Variants in ACER3 observed in about 807,000 individuals in gnomAD.
ACER3 encodes alkCDase 3.
ACER3 carries 16 observed loss-of-function variants against 48.9 expected under a neutral mutation model. That is an observed-to-expected ratio of 0.33 (90% CI 0.22 to 0.50). The LOEUF is 0.50. ACER3 is among the 20% of genes least tolerant of loss of function. The pLI is 0.98. For missense variants in ACER3, 227 were observed against 326.0 expected (o/e 0.70, Z 2.34); for synonymous variants, 109 against 107.8 (o/e 1.01, Z -0.07).
chr11:76,905,006 C>G (rs546072995), intron 1 of ACER3, among the ~76,000 whole-genome samples: 1 of 152,218 alleles, frequency 6.6e-6, no homozygotes, highest in Admixed American at 6.5e-5. Flanking sequence ...TACATGCCAC[C>G]ATGCCCAGCT....
intron 3 of ACER3, among the ~76,000 whole-genome samples, chr11:76,959,849 C>T (rs530961056): frequency 3.9e-5 from 6 of 152,138 alleles, no homozygotes; most frequent in East Asian, 1.9e-4. Flanking sequence ...CCACCGCACC[C>T]GGCCGTTAGT....
In ACER3 at chr11:77,022,042, C is replaced by T. The variant is rs1170809110; in HGVS notation, c.*1715C>T. ...ACTTGATTTTGCCCCAAGATTCTGA[C>T]TTCTGGCTACATTTCACCTGCAGTT... On this transcript the variant is annotated 3_prime_UTR_variant, in exon 11 of 11. Coordinates refer to ENST00000532485, the MANE Select transcript of ACER3 (RefSeq NM_018367.7). 2 of 152,228 alleles carry T rather than the reference C, an allele frequency of 1.3e-5. No individual in the cohort carries two copies. The highest frequency in any genetic ancestry group is 2.4e-5 in the African/African-American group (1 of 41,442). 9.4% of individuals were successfully genotyped at this position (152,228 alleles called of 1,614,324 possible).
At chr11:76,896,893 T>C (rs1291179303) in intron 1 of ACER3, among the ~76,000 whole-genome samples, 1 of 152,174 alleles carries the variant, frequency 6.6e-6, no homozygotes, top group Non-Finnish European at 1.5e-5. Context: ...AATTAGGCTT[T>C]ACACAGATAT....
chr11:77,004,129 T>G (rs1429597654), intron 7 of ACER3, among the ~76,000 whole-genome samples: 1 of 152,216 alleles, frequency 6.6e-6, no homozygotes, highest in Non-Finnish European at 1.5e-5. Context: ...GGTCTGATGA[T>G]TCACTAGGAC....
At chr11:76,877,539 T>C (rs938902735) in intron 1 of ACER3, among the ~76,000 whole-genome samples, 5 of 152,284 alleles carry the variant, frequency 3.3e-5, no homozygotes, top group African/African-American at 1.2e-4. Context: ...TTTCTTTTTT[T>C]AAGCAGATAT....
rs1590917358 is a variant in ACER3 at position 76,910,093 on chromosome 11, G to A, written c.104-16464G>A. 2.0e-5 allele frequency among the ~76,000 whole-genome samples: 3 copies of A among 150,636 alleles called. No individual in the cohort carries two copies. In the South Asian group the frequency reaches 6.4e-4, roughly 32 times the overall value. On this transcript the variant is annotated intron_variant, in intron 1 of 10. Transcript: ENST00000532485. ...AATGAGAACATATGGGCACAGGGAG[G>A]GGAACATCACCACACACTGGGGCCT...
intron 7 of ACER3, among the ~76,000 whole-genome samples, chr11:77,005,991 A>ATATATACATATATATATT (rs1388727709): frequency 4.0e-5 from 4 of 100,894 alleles, no homozygotes; most frequent in African/African-American, 4.0e-5. Context: ...ATATATATAT[A>ATATATACATATATATATT]TTTTTTTTTT....
At chr11:76,915,115 C>T (rs1946489579) in intron 1 of ACER3, among the ~76,000 whole-genome samples, 1 of 151,662 alleles carries the variant, frequency 6.6e-6, no homozygotes, top group Non-Finnish European at 1.5e-5. Context: ...TGCAGCACAC[C>T]AACATGGCAC....
intron 1 of ACER3, among the ~76,000 whole-genome samples, chr11:76,889,095 A>G (rs1037858224): frequency 3.3e-5 from 5 of 152,260 alleles, no homozygotes; most frequent in East Asian, 1.9e-4. Context: ...TCTCAGCTCT[A>G]TATAGATGAT....
intron 2 of ACER3, among the ~76,000 whole-genome samples, chr11:76,928,867 T>C (rs1047965705): frequency 6.6e-6 from 1 of 152,218 alleles, no homozygotes; most frequent in African/African-American, 2.4e-5. Context: ...TCTGTAGCCT[T>C]GTAGTATAGT....
At chr11:77,018,993 T>C (rs561180005) in intron 9 of ACER3, among the ~76,000 whole-genome samples, 3 of 152,308 alleles carry the variant, frequency 2.0e-5, no homozygotes, top group South Asian at 2.1e-4. Flanking sequence ...CAGCCTTCTA[T>C]TGGAAGAAGA....
intron 1 of ACER3, among the ~76,000 whole-genome samples, chr11:76,923,486 C>G (rs1565179090): frequency 6.6e-6 from 1 of 152,124 alleles, no homozygotes; most frequent in African/African-American, 2.4e-5. Flanking sequence ...GATTATTTTC[C>G]TCATGGATCA....
chr11:76,971,490 A>G (rs1299858384), intron 3 of ACER3, among the ~76,000 whole-genome samples: 1 of 152,074 alleles, frequency 6.6e-6, no homozygotes, highest in Non-Finnish European at 1.5e-5. Flanking sequence ...CAGTGAGCCA[A>G]GATCGCGCCA....
At chr11:76,897,585 CA>C (rs1945966312) in intron 1 of ACER3, among the ~76,000 whole-genome samples, 1 of 152,044 alleles carries the variant, frequency 6.6e-6, no homozygotes, top group African/African-American at 2.4e-5. Context: ...TCTCTGACAT[CA>C]TCAGAAGTCT....
Position 76,977,040 on chromosome 11 carries a change from C to T in ACER3, c.320+699C>T, listed in dbSNP as rs534096905. ...TAATATGTAACTGCTTTGTACTGTG[C>T]TAGGCAGTGTACAATGCCATCTCTA... On this transcript the variant is annotated intron_variant, in intron 4 of 10. Coordinates refer to ENST00000532485, the MANE Select transcript of ACER3 (RefSeq NM_018367.7). Among the ~76,000 whole-genome samples, 4 of 152,272 alleles carry T rather than the reference C, an allele frequency of 2.6e-5. No individual in the cohort carries two copies. The East Asian group carries it at 7.7e-4, about 29-fold the overall frequency.
intron 1 of ACER3, among the ~76,000 whole-genome samples, chr11:76,875,026 G>T (rs989576228): frequency 1.3e-5 from 2 of 148,606 alleles, no homozygotes; most frequent in African/African-American, 4.9e-5. Context: ...AGAGAATTAG[G>T]TGCTTTTTCT....
intron 3 of ACER3, among the ~76,000 whole-genome samples, chr11:76,964,924 C>A (rs1177278098): frequency 6.6e-6 from 1 of 151,306 alleles, no homozygotes; most frequent in Non-Finnish European, 1.5e-5. Context: ...CAAAGGAATG[C>A]AGCTCCTCAC....
chr11:77,013,244 GA>G (rs1362883534), intron 7 of ACER3, among the ~76,000 whole-genome samples: 2 of 151,912 alleles, frequency 1.3e-5, no homozygotes, highest in Non-Finnish European at 2.9e-5. Context: ...ACAAACTATA[GA>G]AAAAAATTGA....
intron 7 of ACER3, among the ~76,000 whole-genome samples, chr11:77,014,143 G>T (rs556043118): frequency 6.6e-6 from 1 of 152,278 alleles, no homozygotes; most frequent in African/African-American, 2.4e-5. Context: ...ATACCTCATT[G>T]AAGCTATAAA....
Sources: gnomAD v4.1 joint callset for allele counts (sites outside exome capture counted in the v4.1 genomes callset) on GRCh38, gnomAD v4.1.1 for gene constraint, MANE v1.5 for transcripts, NCBI Gene and HGNC (gene_info 2026-07-23, HGNC 2026-07-21) for gene names.